NSRP1: variants seen among roughly 807,000 people sequenced by gnomAD.
NSRP1 encodes the protein coiled-coil domain containing 55.
Under a neutral mutation model 54.7 loss-of-function variants are expected in NSRP1, and 24 were observed. The observed-to-expected ratio is 0.44, with a 90% CI of 0.32 to 0.62. The LOEUF (loss-of-function observed/expected upper bound fraction) is 0.62, where lower values mean the gene tolerates loss of function less well. Among genes scored for constraint, NSRP1 ranks in the 20% least tolerant of loss-of-function variants. The pLI is 0.06. For synonymous variants in NSRP1, 210 were observed against 213.8 expected (o/e 0.98, Z 0.15); for missense variants, 596 against 651.2 (o/e 0.92, Z 0.92).
At position 30,132,950 on chromosome 17, in the gene NSRP1, GT is replaced by G. The variant is rs1313221463; in HGVS notation, c.114+14783del. 7.9e-5 allele frequency among the ~76,000 whole-genome samples: 12 copies of G among 152,030 alleles called. 1 individual carries two copies. The highest frequency in any genetic ancestry group is 7.2e-4 in the Admixed American group (11 of 15,256). On this transcript the variant is annotated intron_variant, in intron 2 of 6. Coordinates refer to ENST00000247026, the MANE Select transcript of NSRP1 (RefSeq NM_032141.4). Reference sequence around the variant, plus strand: ...TGTAGAGTTTATGAAATGTATTTTTGTTTTTTCGAGACAAGGTCTCGCTTTG... The same window carrying G: ...TGTAGAGTTTATGAAATGTATTTTTGTTTTTCGAGACAAGGTCTCGCTTTG...
chr17:30,169,889 T>C (rs1384300224), intron 2 of NSRP1, among the ~76,000 whole-genome samples: 1 of 151,910 alleles, frequency 6.6e-6, no homozygotes, highest in African/African-American at 2.4e-5. Context: ...CAACTGAAGA[T>C]AGCAAGTGTT....
chr17:30,125,705 G>C (rs1336175670), intron 2 of NSRP1: 1 of 152,246 alleles, frequency 6.6e-6, no homozygotes, highest in Non-Finnish European at 1.5e-5. Flanking sequence ...TCGCCACCAG[G>C]CCCAGCTAAT....
chr17:30,138,904 T>G (rs954613715), intron 2 of NSRP1, among the ~76,000 whole-genome samples: 1 of 140,888 alleles, frequency 7.1e-6, no homozygotes, highest in African/African-American at 2.5e-5. Context: ...ATCTCAAGTC[T>G]TAGCGTTTTT....
intron 2 of NSRP1, among the ~76,000 whole-genome samples, chr17:30,161,574 CAG>C (rs1567801192): frequency 6.6e-6 from 1 of 152,042 alleles, no homozygotes; most frequent in African/African-American, 2.4e-5. Flanking sequence ...ATGTGGAAAA[CAG>C]AAAATTTTCC....
At chr17:30,138,375 C>G (rs2071768395) in intron 2 of NSRP1, among the ~76,000 whole-genome samples, 1 of 152,080 alleles carries the variant, frequency 6.6e-6, no homozygotes, top group Non-Finnish European at 1.5e-5. Flanking sequence ...GTTTGAGGTC[C>G]TTCCTCCCAC....
At chr17:30,179,010 TAATGA>T in intron 4 of NSRP1, 75 bp from the exon 5 acceptor site, 3 of 839,054 alleles carry the variant, frequency 3.6e-6, no homozygotes, top group Non-Finnish European at 5.1e-6. Context: ...ATTTCTATCT[TAATGA>T]ATTCATTATA....
At chr17:30,138,910 T>TTG (rs1491272327) in intron 2 of NSRP1, among the ~76,000 whole-genome samples, 2 of 59,858 alleles carry the variant, frequency 3.3e-5, no homozygotes, top group African/African-American at 6.6e-5. Context: ...AGTCTTAGCG[T>TTG]TTTTTTTTTT....
intron 5 of NSRP1, among the ~76,000 whole-genome samples, chr17:30,180,639 G>T (rs182154353): frequency 6.6e-6 from 1 of 152,212 alleles, no homozygotes; most frequent in East Asian, 1.9e-4. Context: ...ATACTTTAGG[G>T]CTTTTTGTGT....
chr17:30,181,310 C>T (rs1405911868), intron 6 of NSRP1, among the ~76,000 whole-genome samples: 1 of 151,734 alleles, frequency 6.6e-6, no homozygotes, highest in Non-Finnish European at 1.5e-5. Context: ...TATAAAGTTT[C>T]TGAATTTTTA....
chr17:30,143,277 A>C (rs1480199000), intron 2 of NSRP1, among the ~76,000 whole-genome samples: 1 of 152,250 alleles, frequency 6.6e-6, no homozygotes, highest in African/African-American at 2.4e-5. Context: ...TTCTGAAACA[A>C]AATTACTTTA....
At chr17:30,119,165 C>T (rs2071574661) in intron 2 of NSRP1, among the ~76,000 whole-genome samples, 1 of 151,928 alleles carries the variant, frequency 6.6e-6, no homozygotes, top group Admixed American at 6.6e-5. Context: ...TCTTGGCTCA[C>T]TGCAACCCCT....
chr17:30,143,728 A>G (rs2143002141), intron 2 of NSRP1, among the ~76,000 whole-genome samples: 1 of 152,320 alleles, frequency 6.6e-6, no homozygotes, highest in East Asian at 1.9e-4. Flanking sequence ...CATTAATTCT[A>G]GTATATATGT....
chr17:30,183,401 A>G (rs773657213), intron 6 of NSRP1, among the ~76,000 whole-genome samples: 1 of 152,112 alleles, frequency 6.6e-6, no homozygotes, highest in Non-Finnish European at 1.5e-5. Flanking sequence ...AAGAAAATGT[A>G]TTTGAAGATT....
Position 30,180,224 on chromosome 17 carries a change from T to C in NSRP1, c.509-684T>C, listed in dbSNP as rs1434140593. ...CAGGCTGGAGTGCAGTCGTATGATC[T>C]TGGCTCACTGCAACCTCTGCCTCCC... On this transcript the variant is annotated intron_variant, in intron 5 of 6. Transcript: ENST00000247026. Among the ~76,000 whole-genome samples the C allele has an allele frequency of 2.6e-5, 4 of 152,208 alleles. No individual in the cohort carries two copies. In the East Asian group the frequency reaches 7.7e-4, roughly 29 times the overall value.
At chr17:30,181,906 A>C (rs945872548) in intron 6 of NSRP1, among the ~76,000 whole-genome samples, 6 of 151,778 alleles carry the variant, frequency 4.0e-5, no homozygotes, top group Admixed American at 3.3e-4. Context: ...CACCACGCCC[A>C]GCCTCTTTTT....
At chr17:30,161,267 G>C (rs887808027) in intron 2 of NSRP1, among the ~76,000 whole-genome samples, 6 of 152,034 alleles carry the variant, frequency 3.9e-5, no homozygotes, top group Non-Finnish European at 5.9e-5. Flanking sequence ...TGGCTGGGTC[G>C]CTTAGGGTAT....
chr17:30,155,668 T>C (rs2071955120), intron 2 of NSRP1, among the ~76,000 whole-genome samples: 2 of 152,094 alleles, frequency 1.3e-5, no homozygotes, highest in African/African-American at 4.8e-5. Context: ...CTCAGCCTCC[T>C]GGCTGTAGCT....
chr17:30,140,846 G>T (rs1249875131), intron 2 of NSRP1, among the ~76,000 whole-genome samples: 2 of 151,928 alleles, frequency 1.3e-5, no homozygotes, highest in Non-Finnish European at 2.9e-5. Context: ...TACTTTTTCA[G>T]CTAATTTTGG....
At chr17:30,145,632 T>A (rs776949860) in intron 2 of NSRP1, among the ~76,000 whole-genome samples, 7 of 152,178 alleles carry the variant, frequency 4.6e-5, no homozygotes, top group Non-Finnish European at 8.8e-5. Context: ...GAAATGGCTT[T>A]ATCAGTTTAC....
Sources: allele counts gnomAD v4.1 joint callset (sites outside exome capture counted in the v4.1 genomes callset), GRCh38; gene constraint gnomAD v4.1.1; transcripts MANE v1.5; gene names NCBI Gene and HGNC (gene_info 2026-07-23, HGNC 2026-07-21).